The following PRDM2 variants were observed in gnomAD, a reference collection of about 807,000 sequenced individuals.
PRDM2 encodes PR/SET domain 2.
A neutral mutation model predicts 130.0 loss-of-function variants in PRDM2; 30 were observed. The observed-to-expected ratio is 0.23, with a 90% CI of 0.17 to 0.31. PRDM2 has a LOEUF of 0.31. PRDM2 is among the 10% of genes least tolerant of loss of function. The pLI is 1.00. For missense variants in PRDM2, 2,011 were observed against 2,108.4 expected (o/e 0.95, Z 0.90); for synonymous variants, 871 against 782.4 (o/e 1.11, Z -1.89).
intron 6 of PRDM2, chr1:13,769,089 C>A (rs2100616997): frequency 2.1e-6 from 2 of 969,466 alleles, no homozygotes; most frequent in African/African-American, 1.8e-5. Flanking sequence ...TTTCACTTCC[C>A]TTGTGTTTCA....
At chr1:13,755,388 C>T (rs1643923476) in intron 6 of PRDM2, among the ~76,000 whole-genome samples, 1 of 152,048 alleles carries the variant, frequency 6.6e-6, no homozygotes, top group African/African-American at 2.4e-5. Flanking sequence ...ATGCTGTGCC[C>T]TATTTTTAGG....
chr1:13,764,093 T>C (rs937392883), intron 6 of PRDM2, among the ~76,000 whole-genome samples: 5 of 152,234 alleles, frequency 3.3e-5, no homozygotes, highest in Middle Eastern at 3.2e-3. Flanking sequence ...AAATTTGTCA[T>C]GGGCTTTAAA....
intron 6 of PRDM2, among the ~76,000 whole-genome samples, chr1:13,769,411 C>G (rs1488825367): frequency 6.6e-6 from 1 of 152,180 alleles, no homozygotes; most frequent in Non-Finnish European, 1.5e-5. Flanking sequence ...TGAGGGACAC[C>G]AAGCCTGTGT....
At chr1:13,765,206 C>T (rs1240523590) in intron 6 of PRDM2, among the ~76,000 whole-genome samples, 2 of 152,198 alleles carry the variant, frequency 1.3e-5, no homozygotes, top group Non-Finnish European at 2.9e-5. Context: ...CCCAAGTCTC[C>T]CAGTTCTTTT....
intron 6 of PRDM2, among the ~76,000 whole-genome samples, chr1:13,756,818 G>C (rs1296748474): frequency 6.6e-6 from 1 of 152,146 alleles, no homozygotes; most frequent in Non-Finnish European, 1.5e-5. Context: ...TATGTTGGTT[G>C]CTCTGTGTAT....
chr1:13,725,168 T>A (rs969309326), intron 2 of PRDM2, among the ~76,000 whole-genome samples: 1 of 152,294 alleles, frequency 6.6e-6, no homozygotes, highest in African/African-American at 2.4e-5. Context: ...TAGTTATAGA[T>A]CCACATGAAG....
intron 8 of PRDM2, chr1:13,786,395 T>G: frequency 7.3e-7 from 1 of 1,367,238 alleles, no homozygotes; most frequent in Non-Finnish European, 1.0e-6. Context: ...CCTTCAGTCA[T>G]GTATGTGTTG....
intron 8 of PRDM2, among the ~76,000 whole-genome samples, chr1:13,794,802 C>T (rs533563088): frequency 5.3e-5 from 8 of 152,318 alleles, no homozygotes; most frequent in African/African-American, 1.9e-4. Flanking sequence ...TTCATGACAG[C>T]GTGAGTTGTA....
intron 6 of PRDM2, among the ~76,000 whole-genome samples, chr1:13,758,136 T>C (rs1221992470): frequency 6.6e-6 from 1 of 152,088 alleles, no homozygotes; most frequent in Non-Finnish European, 1.5e-5. Flanking sequence ...AGTACTTTAT[T>C]TGATTGTTAA....
At chr1:13,704,535 C>G (rs949288057) in intron 1 of PRDM2, among the ~76,000 whole-genome samples, 2 of 152,166 alleles carry the variant, frequency 1.3e-5, no homozygotes, top group Non-Finnish European at 2.9e-5. Context: ...AAATCATACT[C>G]TGGGTTTTGC....
chr1:13,772,812 A>G (rs1387214985), intron 6 of PRDM2, among the ~76,000 whole-genome samples: 1 of 152,190 alleles, frequency 6.6e-6, no homozygotes, highest in East Asian at 1.9e-4. Flanking sequence ...CTATGAAGGG[A>G]ACTAATGCCC....
At chr1:13,807,039 G>A (rs937502614) in intron 8 of PRDM2, among the ~76,000 whole-genome samples, 3 of 152,066 alleles carry the variant, frequency 2.0e-5, no homozygotes, top group Non-Finnish European at 4.4e-5. Context: ...TGTTTCTTCA[G>A]TTTCATTTTC....
intron 4 of PRDM2, among the ~76,000 whole-genome samples, chr1:13,734,578 A>G (rs907981404): frequency 6.6e-6 from 1 of 152,238 alleles, no homozygotes; most frequent in East Asian, 1.9e-4. Context: ...CATACATAGT[A>G]TGACTTGATA....
At chr1:13,788,000 G>A (rs1272903151) in intron 8 of PRDM2, 1 of 984,580 alleles carries the variant, frequency 1.0e-6, no homozygotes, top group Non-Finnish European at 1.2e-6. Flanking sequence ...TTGTGCTATT[G>A]CTGCAAACAC....
At chr1:13,814,126 C>T (rs1645219182) in intron 8 of PRDM2, among the ~76,000 whole-genome samples, 1 of 152,184 alleles carries the variant, frequency 6.6e-6, no homozygotes, top group Non-Finnish European at 1.5e-5. Context: ...CACAGGAGTC[C>T]ATGTCTCCAG....
chr1:13,778,821 A>G lies in PRDM2; in HGVS notation c.1026A>G (p.Gln342=), dbSNP rs2100658595. ...GCTCAGAGGTAACACCTGCCATGCA[A>G]ATCCCCAGAACTAAAGAAGAGGCCA... ...EDCSEVTPAM[Q]IPRTKEEANG... is the part of the protein sequence containing the mutation. Residue 342 remains glutamine, a synonymous_variant, in exon 8 of 10, where the codon CAA becomes CAG. Transcript: ENST00000311066. 1.2e-6 allele frequency: 2 copies of G among 1,614,190 alleles called. No homozygotes were observed. The highest frequency in any genetic ancestry group is 1.7e-5 in the Admixed American group (1 of 60,010).
chr1:13,753,378 T>C (rs1424788759), intron 6 of PRDM2, among the ~76,000 whole-genome samples: 1 of 152,234 alleles, frequency 6.6e-6, no homozygotes, highest in Non-Finnish European at 1.5e-5. Context: ...CTATAGCTTA[T>C]AAGTATTTAT....
intron 8 of PRDM2, among the ~76,000 whole-genome samples, chr1:13,808,800 T>C (rs1209190462): frequency 6.6e-6 from 1 of 152,176 alleles, no homozygotes; most frequent in Non-Finnish European, 1.5e-5. Flanking sequence ...TACGGCCCCC[T>C]GGGGAGACCT....
chr1:13,735,051 A>G (rs1164410267), intron 4 of PRDM2, among the ~76,000 whole-genome samples: 2 of 152,130 alleles, frequency 1.3e-5, no homozygotes, highest in African/African-American at 4.8e-5. Context: ...TCATCTTGGC[A>G]TTTGTTCTTC....
Sources: gnomAD v4.1 joint callset for allele counts (sites outside exome capture counted in the v4.1 genomes callset) on GRCh38, gnomAD v4.1.1 for gene constraint, MANE v1.5 for transcripts, NCBI Gene and HGNC (gene_info 2026-07-23, HGNC 2026-07-21) for gene names.